The following HDAC9 variants were observed in gnomAD, a reference collection of about 807,000 sequenced individuals.
HDAC9 encodes MEF-2 interacting transcription repressor (MITR) protein.
Under a neutral mutation model 139.4 loss-of-function variants are expected in HDAC9, and 41 were observed. That is an observed-to-expected ratio of 0.29 (90% CI 0.23 to 0.38). HDAC9 has a LOEUF of 0.38. Ranked by LOEUF, HDAC9 falls within the 10% of genes least tolerant of loss-of-function variation. The pLI, the probability that HDAC9 is intolerant of heterozygous loss-of-function variation, is 1.00. For synonymous variants in HDAC9, 517 were observed against 476.2 expected (o/e 1.09, Z -1.12); for missense variants, 1,147 against 1,297.0 (o/e 0.88, Z 1.78).
chr7:18,268,676 G>T (rs1328035364), intron 2 of HDAC9, among the ~76,000 whole-genome samples: 1 of 152,158 alleles, frequency 6.6e-6, no homozygotes, highest in Non-Finnish European at 1.5e-5. Flanking sequence ...TCATTACACT[G>T]ATTAAAGGCA....
Position 18,727,602 on chromosome 7 carries a change from C to A in HDAC9, c.1754C>A (p.Thr585Lys). The A allele has an allele frequency of 1.3e-6, 2 of 1,595,262 alleles. No individual in the cohort carries two copies. Among genetic ancestry groups the A allele is most frequent in the Non-Finnish European group, 8.5e-7 (1 of 1,173,014 alleles). ...CAGCCTTTCCTGGAACCCACGCACACACGTGCGCTCTCTGTGCGCCAAGCT... is the reference window on the plus strand; with the variant it reads ...CAGCCTTTCCTGGAACCCACGCACAAACGTGCGCTCTCTGTGCGCCAAGCT... ...MQQPFLEPTH[T>K]RALSVRQAPL... The change falls in exon 13 of 26, where the codon ACA (threonine) becomes AAA (lysine). Residue 585 changes from threonine to lysine, a missense_variant. By Grantham distance (78) the Thr-to-Lys change is moderately conservative. Coordinates refer to ENST00000686413, the MANE Select transcript of HDAC9 (RefSeq NM_178425.4).
At chr7:18,173,713 G>A (rs1417377059) in intron 2 of HDAC9, among the ~76,000 whole-genome samples, 1 of 152,132 alleles carries the variant, frequency 6.6e-6, no homozygotes, top group Admixed American at 6.5e-5. Flanking sequence ...CACTTAGTTT[G>A]GCTGGATATG....
chr7:18,992,586 A>G (rs1786072825), intron 25 of HDAC9, among the ~76,000 whole-genome samples: 1 of 152,252 alleles, frequency 6.6e-6, no homozygotes, highest in Non-Finnish European at 1.5e-5. Context: ...ATGTTTTACT[A>G]CGTAACAGTG....
intron 25 of HDAC9, among the ~76,000 whole-genome samples, chr7:18,989,988 C>T (rs1232733981): frequency 6.6e-6 from 1 of 151,778 alleles, no homozygotes; most frequent in Non-Finnish European, 1.5e-5. Context: ...ACTTCTTTGC[C>T]TTTCGTTTGA....
chr7:18,918,635 G>C (rs1195004017), intron 22 of HDAC9, among the ~76,000 whole-genome samples: 1 of 151,950 alleles, frequency 6.6e-6, no homozygotes, highest in African/African-American at 2.4e-5. Context: ...TCCACTAAAA[G>C]ATTAATATAC....
intron 14 of HDAC9, among the ~76,000 whole-genome samples, chr7:18,756,074 T>A (rs1788851625): frequency 6.6e-6 from 1 of 152,082 alleles, no homozygotes; most frequent in Admixed American, 6.6e-5. Flanking sequence ...TGGAAACATC[T>A]GGGTGCCCAA....
At chr7:18,983,634 A>C (rs2129343426) in intron 25 of HDAC9, among the ~76,000 whole-genome samples, 1 of 152,346 alleles carries the variant, frequency 6.6e-6, no homozygotes, top group South Asian at 2.1e-4. Flanking sequence ...GTTGTAGGGA[A>C]GTCATATGTT....
chr7:18,430,652 T>C (rs1032208253), intron 1 of HDAC9: 2 of 152,066 alleles, frequency 1.3e-5, no homozygotes, highest in African/African-American at 4.8e-5. Context: ...GAGGCCAAGA[T>C]GGGTAGATTG....
At chr7:18,670,518 C>G (rs1319430816) in intron 12 of HDAC9, among the ~76,000 whole-genome samples, 6 of 152,092 alleles carry the variant, frequency 3.9e-5, no homozygotes. Context: ...ACACAGTGCG[C>G]AAGCACTTCA....
At chr7:18,187,157 A>G (rs1194338061) in intron 2 of HDAC9, among the ~76,000 whole-genome samples, 1 of 152,232 alleles carries the variant, frequency 6.6e-6, no homozygotes, top group Non-Finnish European at 1.5e-5. Flanking sequence ...ATTGGAAATA[A>G]CAGTCAGTGA....
intron 1 of HDAC9, among the ~76,000 whole-genome samples, chr7:18,331,646 A>G (rs1362032424): frequency 4.6e-5 from 7 of 151,666 alleles, no homozygotes; most frequent in Admixed American, 6.6e-5. Context: ...TAAAAAAAGA[A>G]GTACAAAATG....
chr7:18,549,177 G>T (rs1047043226), intron 2 of HDAC9, among the ~76,000 whole-genome samples: 3 of 152,162 alleles, frequency 2.0e-5, no homozygotes, highest in Admixed American at 2.0e-4. Context: ...GGTGGGGGTT[G>T]CAGTGAGCTG....
chr7:18,401,350 C>G (rs547556296), intron 1 of HDAC9, among the ~76,000 whole-genome samples: 3 of 152,138 alleles, frequency 2.0e-5, no homozygotes, highest in Non-Finnish European at 4.4e-5. Flanking sequence ...GATTCTATGG[C>G]TGTTTGCCTC....
At chr7:18,244,994 CATCTATCT>C (rs1554342548) in intron 2 of HDAC9, among the ~76,000 whole-genome samples, 8 of 147,960 alleles carry the variant, frequency 5.4e-5, no homozygotes, top group African/African-American at 1.3e-4. Context: ...ATCTAATCTG[CATCTATCT>C]ATCTATCTAT....
At chr7:18,400,380 G>A (rs1787429475) in intron 1 of HDAC9, among the ~76,000 whole-genome samples, 1 of 152,188 alleles carries the variant, frequency 6.6e-6, no homozygotes, top group South Asian at 2.1e-4. Flanking sequence ...TGACAGGGAA[G>A]AGGACATGTT....
At chr7:18,191,556 G>A (rs1790352246) in intron 2 of HDAC9, among the ~76,000 whole-genome samples, 1 of 152,166 alleles carries the variant, frequency 6.6e-6, no homozygotes, top group African/African-American at 2.4e-5. Context: ...AACACACATG[G>A]CACAGACAGC....
At chr7:18,698,412 T>A (rs1216058468) in intron 12 of HDAC9, among the ~76,000 whole-genome samples, 2 of 152,212 alleles carry the variant, frequency 1.3e-5, no homozygotes, top group Admixed American at 6.5e-5. Context: ...CTAAATAAGT[T>A]ATGCTTAACT....
intron 2 of HDAC9, among the ~76,000 whole-genome samples, chr7:18,260,369 A>G (rs1269907017): frequency 7.8e-6 from 1 of 128,102 alleles, no homozygotes; most frequent in African/African-American, 3.0e-5. Context: ...CCCAGGCTGG[A>G]GTGCAGTGGC....
intron 1 of HDAC9, among the ~76,000 whole-genome samples, chr7:18,310,961 T>G (rs1330468744): frequency 2.0e-5 from 3 of 152,112 alleles, no homozygotes; most frequent in Non-Finnish European, 4.4e-5. Context: ...AGTTATATAT[T>G]ATTGATGGTT....
Sources: gnomAD v4.1 joint callset for allele counts (sites outside exome capture counted in the v4.1 genomes callset) on GRCh38, gnomAD v4.1.1 for gene constraint, MANE v1.5 for transcripts, NCBI Gene and HGNC (gene_info 2026-07-23, HGNC 2026-07-21) for gene names.